Variants in LRRC7 observed in about 807,000 individuals in gnomAD.
LRRC7 encodes the protein leucine rich repeat containing 7, also known as leucine-rich repeat-containing protein 7.
Under a neutral mutation model 175.7 loss-of-function variants are expected in LRRC7, and 23 were observed. The ratio of observed to expected loss-of-function variants is 0.13; its 90% CI spans 0.09 to 0.19. The LOEUF is 0.19. Among genes scored for constraint, LRRC7 ranks in the 10% least tolerant of loss-of-function variants. LRRC7 has a pLI of 1.00. For missense variants in LRRC7, 1,354 were observed against 1,904.7 expected, an observed-to-expected ratio of 0.71 and a Z score of 5.38; for synonymous variants, 685 against 680.9, an observed-to-expected ratio of 1.01 and a Z score of -0.09.
At position 69,674,045 on chromosome 1, in the gene LRRC7, T is replaced by G. The variant is rs538443359; in HGVS notation, c.3-4336T>G. Among the ~76,000 whole-genome samples the G allele has an allele frequency of 2.0e-5, 3 of 152,270 alleles. No individual in the cohort carries two copies. The South Asian group carries it at 6.2e-4, about 32-fold the overall frequency. On this transcript the variant is annotated intron_variant, in intron 1 of 26. Coordinates refer to ENST00000651989, the MANE Select transcript of LRRC7 (RefSeq NM_001370785.2). ...AATATGGAGGCAGGGCCTCGCTCTA[T>G]TGCCCAGGCTGGAGTGTAGTGGCAT...
chr1:70,034,245 C>T (rs1659075209), intron 18 of LRRC7, among the ~76,000 whole-genome samples: 1 of 152,210 alleles, frequency 6.6e-6, no homozygotes, highest in South Asian at 2.1e-4. Flanking sequence ...TTAAAACTGT[C>T]ATACATTTCT....
At chr1:69,718,113 G>GAAA (rs1553146072) in intron 2 of LRRC7, among the ~76,000 whole-genome samples, 9,711 of 75,308 alleles carry the variant, frequency 0.13, 729 homozygotes, top group African/African-American at 0.23. Flanking sequence ...GAGAGAAAAA[G>GAAA]AAAGAAAGAA....
chr1:69,849,265 G>T (rs1485228040), intron 7 of LRRC7, among the ~76,000 whole-genome samples: 1 of 151,904 alleles, frequency 6.6e-6, no homozygotes, highest in Non-Finnish European at 1.5e-5. Context: ...TATAGGAATT[G>T]GTTAAAAAGT....
intron 22 of LRRC7, among the ~76,000 whole-genome samples, chr1:70,050,166 G>A (rs527467766): frequency 1.5e-4 from 23 of 152,020 alleles, no homozygotes; most frequent in Admixed American, 1.2e-3. Context: ...CAAATGTGCC[G>A]ACATATATAG....
chr1:70,036,072 C>G lies in LRRC7; in HGVS notation c.1996-49C>G, dbSNP rs372627843. 2.7e-4 allele frequency: 381 copies of G among 1,436,058 alleles called. 2 individuals are homozygous for G. The highest frequency in any genetic ancestry group is 2.7e-4 in the Non-Finnish European group (286 of 1,050,964). The allele number at this position is 1,436,058 out of a possible 1,614,324, so 89.0% of individuals were successfully genotyped here. ...TAAAGATACTGCCACTTTGGTTAAC[C>G]ATTGTTTAAATGTTTACTTTCCTTG... On this transcript the variant is annotated intron_variant, in intron 18 of 26. Transcript: ENST00000651989.
At chr1:69,684,859 C>A (rs1660936756) in intron 2 of LRRC7, among the ~76,000 whole-genome samples, 1 of 152,182 alleles carries the variant, frequency 6.6e-6, no homozygotes, top group Admixed American at 6.5e-5. Flanking sequence ...AATCGACAGG[C>A]AGTTCAATTC....
At chr1:70,107,671 T>C in intron 25 of LRRC7, 81 bp from the exon 26 acceptor site, 2 of 1,017,666 alleles carry the variant, frequency 2.0e-6, no homozygotes, top group Non-Finnish European at 1.5e-6. Context: ...TTTTCACTGT[T>C]TTCTATGTGA....
At chr1:69,578,188 A>C (rs991476353) in intron 1 of LRRC7, among the ~76,000 whole-genome samples, 3 of 151,756 alleles carry the variant, frequency 2.0e-5, no homozygotes, top group Non-Finnish European at 2.9e-5. Context: ...AACACGTGAA[A>C]AAATGCTCAC....
intron 2 of LRRC7, among the ~76,000 whole-genome samples, chr1:69,713,245 G>C (rs1664981751): frequency 6.6e-6 from 1 of 152,020 alleles, no homozygotes. Flanking sequence ...CAGCACTTTG[G>C]GGGGCCAAAG....
At chr1:69,732,307 T>C (rs780359343) in intron 2 of LRRC7, among the ~76,000 whole-genome samples, 2 of 152,032 alleles carry the variant, frequency 1.3e-5, no homozygotes, top group Non-Finnish European at 2.9e-5. Flanking sequence ...TAAAGTTCGA[T>C]AGATTTACAC....
chr1:69,733,536 G>A (rs1425427704), intron 2 of LRRC7, among the ~76,000 whole-genome samples: 3 of 152,030 alleles, frequency 2.0e-5, no homozygotes, highest in Non-Finnish European at 4.4e-5. Flanking sequence ...TTAGCTACAA[G>A]TGACTGTCAA....
chr1:69,736,664 A>G (rs1668150098), intron 2 of LRRC7, among the ~76,000 whole-genome samples: 1 of 152,108 alleles, frequency 6.6e-6, no homozygotes, highest in South Asian at 2.1e-4. Flanking sequence ...TTTTTATAGT[A>G]AAGCCATCAC....
At chr1:69,665,957 A>G (rs533270703) in intron 1 of LRRC7, among the ~76,000 whole-genome samples, 2 of 151,974 alleles carry the variant, frequency 1.3e-5, no homozygotes, top group East Asian at 3.9e-4. Flanking sequence ...CTAGCTGTGG[A>G]TCTGTCATAG....
intron 7 of LRRC7, among the ~76,000 whole-genome samples, chr1:69,892,432 T>C (rs973392052): frequency 1.3e-5 from 2 of 152,160 alleles, no homozygotes; most frequent in Non-Finnish European, 2.9e-5. Flanking sequence ...AAAAAAATGT[T>C]GGAGCAACAC....
intron 21 of LRRC7, 118 bp downstream of exon 21, chr1:70,039,911 T>G: frequency 7.9e-7 from 1 of 1,269,978 alleles, no homozygotes; most frequent in Non-Finnish European, 1.1e-6. Context: ...GATCAGTATT[T>G]TATTTATCTT....
At chr1:69,608,874 A>AT (rs1648203101) in intron 1 of LRRC7, among the ~76,000 whole-genome samples, 1 of 65,912 alleles carries the variant, frequency 1.5e-5, no homozygotes, top group Non-Finnish European at 2.7e-5. Context: ...CTCTATATAT[A>AT]TATATATATA....
chr1:70,104,141 C>G (rs1362350326), intron 25 of LRRC7, among the ~76,000 whole-genome samples: 2 of 152,170 alleles, frequency 1.3e-5, no homozygotes, highest in African/African-American at 4.8e-5. Flanking sequence ...TTTCACCAAA[C>G]AGTAGGAAGT....
intron 7 of LRRC7, among the ~76,000 whole-genome samples, chr1:69,906,359 C>G (rs1211588956): frequency 6.6e-6 from 1 of 152,094 alleles, no homozygotes; most frequent in Non-Finnish European, 1.5e-5. Context: ...AATAGTATTG[C>G]CTAGGTTTTC....
At chr1:69,849,616 T>G (rs1268774999) in intron 7 of LRRC7, among the ~76,000 whole-genome samples, 1 of 152,012 alleles carries the variant, frequency 6.6e-6, no homozygotes, top group Non-Finnish European at 1.5e-5. Context: ...ACCTAAAAGC[T>G]TTACTTTAGA....
Sources: gnomAD v4.1 joint callset for allele counts (sites outside exome capture counted in the v4.1 genomes callset) on GRCh38, gnomAD v4.1.1 for gene constraint, MANE v1.5 for transcripts, NCBI Gene and HGNC (gene_info 2026-07-23, HGNC 2026-07-21) for gene names.